GPC3: variants seen among roughly 807,000 people sequenced by gnomAD.
The protein encoded by GPC3 is glypican 3.
In GPC3, 3 loss-of-function variants were observed where a neutral mutation model predicts 34.4. That is an observed-to-expected ratio of 0.09 (90% CI 0.04 to 0.23). The LOEUF (loss-of-function observed/expected upper bound fraction) is 0.23, where lower values mean the gene tolerates loss of function less well. GPC3 is among the 10% of genes least tolerant of loss of function. The pLI is 1.00. For synonymous variants in GPC3, 177 were observed against 174.0 expected, an observed-to-expected ratio of 1.02 and a Z score of -0.13; for missense variants, 351 against 445.6, an observed-to-expected ratio of 0.79 and a Z score of 1.91.
At chrX:133,667,139 G>C (rs2070775880) in intron 5 of GPC3, among the ~76,000 whole-genome samples, 1 of 111,887 alleles carries the variant, frequency 8.9e-6, no homozygotes, top group Non-Finnish European at 1.9e-5. Flanking sequence ...ATTGTTAAAC[G>C]ATTATGCCAA....
intron 3 of GPC3, among the ~76,000 whole-genome samples, chrX:133,719,027 A>G (rs1185851238): frequency 9.0e-6 from 1 of 111,428 alleles, no homozygotes; most frequent in African/African-American, 3.3e-5. Flanking sequence ...TCAATAATGG[A>G]TAGTTCAAAC....
chrX:133,969,348 T>C (rs1185156076), intron 1 of GPC3, among the ~76,000 whole-genome samples: 1 of 112,074 alleles, frequency 8.9e-6, no homozygotes, highest in African/African-American at 3.2e-5. Flanking sequence ...ATTACTTCTA[T>C]TTAGACGAGC....
chrX:133,538,958 C>T lies in GPC3; in HGVS notation c.1574-2665G>A, dbSNP rs777190420. Among the ~76,000 whole-genome samples the T allele has an allele frequency of 9.8e-5, 10 of 102,404 alleles. No homozygotes were observed. In the East Asian group the frequency reaches 1.9e-3, roughly 19 times the overall value. 88.9% of individuals were successfully genotyped at this position (102,404 alleles called of 115,157 possible). On this transcript the variant is annotated intron_variant, in intron 7 of 7. Coordinates refer to ENST00000370818, the MANE Select transcript of GPC3 (RefSeq NM_004484.4). ...CTGGTCTCAAACTCCTGAGCTCAAG[C>T]GATCTGACCACCTCGGCCTCCCAAA...
At chrX:133,940,384 G>C (rs753594840) in intron 2 of GPC3, among the ~76,000 whole-genome samples, 21 of 111,782 alleles carry the variant, frequency 1.9e-4, no homozygotes, top group Non-Finnish European at 3.8e-5. Context: ...AAAGGGCAAT[G>C]ACTTTGAAGT....
intron 5 of GPC3, among the ~76,000 whole-genome samples, chrX:133,691,219 C>G (rs907622386): frequency 1.8e-5 from 2 of 111,519 alleles, no homozygotes; most frequent in African/African-American, 6.5e-5. Flanking sequence ...AAATACTCGG[C>G]TGGGTGGAGT....
chrX:133,738,806 T>G (rs2071535476), intron 3 of GPC3, among the ~76,000 whole-genome samples: 1 of 112,028 alleles, frequency 8.9e-6, no homozygotes, highest in South Asian at 3.7e-4. Flanking sequence ...AAAACCTGTG[T>G]GTTCAACTTG....
intron 2 of GPC3, among the ~76,000 whole-genome samples, chrX:133,915,584 G>A (rs1245368419): frequency 1.8e-5 from 2 of 112,373 alleles, no homozygotes; most frequent in African/African-American, 6.5e-5. Context: ...CATTATGTTT[G>A]GTCATCATGC....
At chrX:133,698,341 T>C (rs1219589683) in intron 4 of GPC3, among the ~76,000 whole-genome samples, 1 of 112,127 alleles carries the variant, frequency 8.9e-6, no homozygotes, top group South Asian at 3.7e-4. Context: ...TTTTCAATAC[T>C]TATCCCTTAA....
chrX:133,968,257 T>C (rs1369473216), intron 1 of GPC3, among the ~76,000 whole-genome samples: 1 of 112,531 alleles, frequency 8.9e-6, no homozygotes, highest in Non-Finnish European at 1.9e-5. Flanking sequence ...ACTCCATACA[T>C]GGCCGTCGTC....
chrX:133,751,851 T>C (rs1162696058), intron 3 of GPC3, among the ~76,000 whole-genome samples: 1 of 111,606 alleles, frequency 9.0e-6, no homozygotes, highest in African/African-American at 3.3e-5. Flanking sequence ...TAGTAATCTA[T>C]CATATATTTC....
chrX:133,635,818 C>G (rs1316261962), intron 6 of GPC3, among the ~76,000 whole-genome samples: 3 of 96,150 alleles, frequency 3.1e-5, no homozygotes, highest in Non-Finnish European at 5.9e-5. Context: ...TATGGGAATT[C>G]AGTGTGTGTA....
At chrX:133,545,470 G>A (rs1156633543) in intron 7 of GPC3, among the ~76,000 whole-genome samples, 1 of 110,930 alleles carries the variant, frequency 9.0e-6, no homozygotes. Context: ...CCTATGAATA[G>A]CCACTGTATT....
intron 3 of GPC3, among the ~76,000 whole-genome samples, chrX:133,738,445 A>G (rs905209877): frequency 1.8e-5 from 2 of 112,397 alleles, no homozygotes; most frequent in Non-Finnish European, 3.8e-5. Context: ...AGATAAGAAC[A>G]GACAAGTAAA....
chrX:133,560,128 T>A (rs1180509784), intron 7 of GPC3, among the ~76,000 whole-genome samples: 2 of 111,677 alleles, frequency 1.8e-5, no homozygotes. Context: ...CTCAGGGTGA[T>A]TTCCAATGGA....
intron 2 of GPC3, among the ~76,000 whole-genome samples, chrX:133,777,260 T>G (rs752211383): frequency 2.3e-4 from 26 of 111,247 alleles, no homozygotes; most frequent in Non-Finnish European, 4.0e-4. Context: ...ACCCTCTCTT[T>G]ATTCTCTTTT....
At chrX:133,970,942 C>T (rs1007832840) in intron 1 of GPC3, among the ~76,000 whole-genome samples, 2 of 111,539 alleles carry the variant, frequency 1.8e-5, no homozygotes, top group Admixed American at 9.5e-5. Flanking sequence ...AATCTCTAAC[C>T]TGCAGTCAAA....
rs192587912 is a variant in GPC3, at chrX:133,906,962, G to A, written c.337+46088C>T. ...AAAAATACAAAAAAATTAGCTGGGC[G>A]TGGTGGCGGGCGCCTGTAGTCCCAG... On this transcript the variant is annotated intron_variant, in intron 2 of 7. Transcript: ENST00000370818. Among the ~76,000 whole-genome samples the A allele has an allele frequency of 4.5e-5, 5 of 109,947 alleles. No individual in the cohort carries two copies. The East Asian group carries it at 1.1e-3, about 25-fold the overall frequency.
chrX:133,675,654 GC>G (rs1366064482), intron 5 of GPC3, among the ~76,000 whole-genome samples: 3 of 111,922 alleles, frequency 2.7e-5, no homozygotes, highest in Middle Eastern at 4.2e-3. Context: ...TCAACCTGTT[GC>G]CCCTGGGGCC....
At chrX:133,802,259 C>T in intron 2 of GPC3, among the ~76,000 whole-genome samples, 1 of 111,312 alleles carries the variant, frequency 9.0e-6, no homozygotes, top group African/African-American at 3.3e-5. Context: ...AGAGAAAAGT[C>T]AAGGCACTGT....
Sources: gnomAD v4.1 joint callset for allele counts (sites outside exome capture counted in the v4.1 genomes callset) on GRCh38, gnomAD v4.1.1 for gene constraint, MANE v1.5 for transcripts, NCBI Gene and HGNC (gene_info 2026-07-23, HGNC 2026-07-21) for gene names.